FOXP2: variants seen among roughly 807,000 people sequenced by gnomAD.
FOXP2 encodes forkhead box P2.
FOXP2 carries 12 observed loss-of-function variants against 115.8 expected under a neutral mutation model. The observed-to-expected ratio is 0.10, with a 90% CI of 0.07 to 0.17. The LOEUF is 0.17. Ranked by LOEUF, FOXP2 falls within the 10% of genes least tolerant of loss-of-function variation. The pLI, the probability that FOXP2 is intolerant of heterozygous loss-of-function variation, is 1.00. For synonymous variants in FOXP2, 328 were observed against 297.7 expected (o/e 1.10, Z -1.05); for missense variants, 629 against 843.5 (o/e 0.75, Z 3.15).
chr7:114,332,513 G>A lies in FOXP2; in HGVS notation c.-11+44404G>A, dbSNP rs141117945. On this transcript the variant is annotated intron_variant, in intron 2 of 17. Transcript: ENST00000634411. ...CTTGATTTTTAATTTTTCAGCTATC[G>A]GAATGTCTGAGCATATTGAAGGGTG... Among the ~76,000 whole-genome samples the A allele has an allele frequency of 6.5e-3, 982 of 152,032 alleles. 8 individuals carry two copies. Among genetic ancestry groups the A allele is most frequent in the African/African-American group, 0.023 (942 of 41,450 alleles).
rs1219576444 is a variant in FOXP2, at chr7:114,692,513, C to A, written c.*2587C>A. ...GTTGGTGGACCCATAAATGACCAGA[C>A]TTTTTCTAAGAAAAATGTTGCTTTA... On this transcript the variant is annotated 3_prime_UTR_variant, in exon 17 of 17. Coordinates refer to ENST00000350908, the MANE Select transcript of FOXP2 (RefSeq NM_014491.4). 2 of 453,956 alleles carry A rather than the reference C, an allele frequency of 4.4e-6. No homozygotes were observed. The highest frequency in any genetic ancestry group is 8.8e-6 in the Non-Finnish European group (2 of 226,682). The allele number at this position is 453,956 out of a possible 1,614,324, so 28.1% of individuals were successfully genotyped here.
chr7:114,653,768 A>G (rs901452367), intron 9 of FOXP2, among the ~76,000 whole-genome samples, 158 bp from the exon 10 acceptor site: 56 of 152,274 alleles, frequency 3.7e-4, no homozygotes, highest in Non-Finnish European at 7.8e-4. Flanking sequence ...CTCCATAGCT[A>G]AAGTTGCATT....
intron 13 of FOXP2, 87 bp from the exon 14 acceptor site, chr7:114,661,978 T>G: frequency 1.3e-6 from 2 of 1,524,540 alleles, no homozygotes; most frequent in Middle Eastern, 1.7e-4. Context: ...TCACTCTGAT[T>G]AAGTAAGATC....
chr7:114,125,887 G>A (rs1791693853), intron 1 of FOXP2, among the ~76,000 whole-genome samples: 1 of 152,116 alleles, frequency 6.6e-6, no homozygotes, highest in South Asian at 2.1e-4. Flanking sequence ...TACTATGGAT[G>A]TCATATCAAA....
intron 2 of FOXP2, among the ~76,000 whole-genome samples, chr7:114,492,328 G>T (rs1797102150): frequency 1.3e-5 from 2 of 151,972 alleles, no homozygotes; most frequent in South Asian, 2.1e-4. Flanking sequence ...CTCGCTAGCG[G>T]TCTATCAATT....
At chr7:114,435,782 G>A (rs1459991070) in intron 2 of FOXP2, among the ~76,000 whole-genome samples, 4 of 152,026 alleles carry the variant, frequency 2.6e-5, no homozygotes, top group African/African-American at 7.2e-5. Context: ...CAGGTGATTC[G>A]CCCACCTTGG....
chr7:114,639,771 G>A (rs768369018), intron 6 of FOXP2, among the ~76,000 whole-genome samples: 8 of 152,080 alleles, frequency 5.3e-5, no homozygotes, highest in African/African-American at 1.4e-4. Flanking sequence ...AAGAGAGAGC[G>A]GTAGATGAGA....
chr7:114,642,812 A>ATATTTTTT (rs1308357594), intron 7 of FOXP2, among the ~76,000 whole-genome samples, 189 bp downstream of exon 7: 2 of 72,438 alleles, frequency 2.8e-5, no homozygotes, highest in Non-Finnish European at 2.3e-5. Flanking sequence ...ATATATATAT[A>ATATTTTTT]TTTTTTTTTT....
intron 2 of FOXP2, among the ~76,000 whole-genome samples, chr7:114,435,857 C>G (rs1438578378): frequency 6.6e-6 from 1 of 152,094 alleles, no homozygotes; most frequent in Non-Finnish European, 1.5e-5. Context: ...TTTTGACTTT[C>G]ATTCTGCAGG....
intron 2 of FOXP2, among the ~76,000 whole-genome samples, chr7:114,458,546 C>CTTTTTT (rs1177402028): frequency 0.013 from 1,487 of 112,928 alleles, 3 homozygotes; most frequent in Non-Finnish European, 0.016. Context: ...ATTTTCTTTT[C>CTTTTTT]TTTTTTTTTT....
intron 2 of FOXP2, among the ~76,000 whole-genome samples, chr7:114,368,587 T>C (rs1791933629): frequency 6.6e-6 from 1 of 152,124 alleles, no homozygotes; most frequent in African/African-American, 2.4e-5. Flanking sequence ...CTGCCATTTT[T>C]GAAAATTATT....
intron 3 of FOXP2, among the ~76,000 whole-genome samples, chr7:114,564,742 A>ATGG (rs1439248671): frequency 6.6e-6 from 1 of 151,832 alleles, no homozygotes; most frequent in East Asian, 1.9e-4. Flanking sequence ...TTAGGTGAGC[A>ATGG]TGGTGGTATG....
intron 1 of FOXP2, among the ~76,000 whole-genome samples, chr7:114,094,639 T>C (rs1562962115): frequency 6.6e-6 from 1 of 152,138 alleles, no homozygotes; most frequent in Non-Finnish European, 1.5e-5. Context: ...TAATTACCCC[T>C]CTTTTCCTCT....
At chr7:114,325,972 T>G (rs1042338289) in intron 2 of FOXP2, among the ~76,000 whole-genome samples, 1 of 152,088 alleles carries the variant, frequency 6.6e-6, no homozygotes, top group Non-Finnish European at 1.5e-5. Context: ...CCATAATAGA[T>G]ACAACAAAGC....
rs185949116 is a variant in FOXP2, at chr7:114,384,780, C to T, written c.-10-41722C>T. Among the ~76,000 whole-genome samples, 13 of 151,148 alleles carry T rather than the reference C, an allele frequency of 8.6e-5. No homozygotes were observed. The East Asian group carries it at 2.0e-3, about 23-fold the overall frequency. On this transcript the variant is annotated intron_variant, in intron 2 of 17. Transcript: ENST00000634411. ...AGAATAACTCTGAACTGGTGAGGTGCGCTCACAACGAGGTTTCCTCTAAAA... is the reference window on the plus strand; with the variant it reads ...AGAATAACTCTGAACTGGTGAGGTGTGCTCACAACGAGGTTTCCTCTAAAA...
intron 2 of FOXP2, among the ~76,000 whole-genome samples, chr7:114,329,656 ATTTATTTATTTATTTAT>A (rs775987372): frequency 8.0e-3 from 214 of 26,628 alleles, no homozygotes; most frequent in Non-Finnish European, 0.013. Flanking sequence ...TTATTTATTT[ATTTATTTATTTATTTAT>A]TTATTTATTT....
chr7:114,167,655 G>A (rs928876873), intron 1 of FOXP2, among the ~76,000 whole-genome samples: 9 of 152,068 alleles, frequency 5.9e-5, no homozygotes, highest in African/African-American at 2.2e-4. Context: ...TGAGAGTTGG[G>A]GCTGGGCATG....
At chr7:114,684,127 G>A (rs28651804) in intron 16 of FOXP2, among the ~76,000 whole-genome samples, 1 of 152,042 alleles carries the variant, frequency 6.6e-6, no homozygotes, top group Non-Finnish European at 1.5e-5. Context: ...CAAGTAGCTG[G>A]AACTACAAAC....
Position 114,612,851 on chromosome 7 carries a change from C to T in FOXP2, c.259-15689C>T, listed in dbSNP as rs115245424. Among the ~76,000 whole-genome samples, 1,521 of 152,132 alleles carry T rather than the reference C, an allele frequency of 1.0e-2. 21 individuals are homozygous for T. Among genetic ancestry groups the T allele is most frequent in the African/African-American group, 0.035 (1,452 of 41,512 alleles). ...ATCTAATACAGTTTATCTAATTTTC[C>T]TCTCACCTGTTTATTTCGAATCAGA... On this transcript the variant is annotated intron_variant, in intron 3 of 16. Transcript: ENST00000350908.
Sources: gnomAD v4.1 joint callset for allele counts (sites outside exome capture counted in the v4.1 genomes callset) on GRCh38, gnomAD v4.1.1 for gene constraint, MANE v1.5 for transcripts, NCBI Gene and HGNC (gene_info 2026-07-23, HGNC 2026-07-21) for gene names.